The following MAGI1 variants were observed in gnomAD, a reference collection of about 807,000 sequenced individuals.
MAGI1 encodes membrane-associated guanylate kinase, WW and PDZ domain-containing protein 1.
Under a neutral mutation model 139.9 loss-of-function variants are expected in MAGI1, and 58 were observed. The ratio of observed to expected loss-of-function variants is 0.41; its 90% confidence interval spans 0.34 to 0.52. The LOEUF (loss-of-function observed/expected upper bound fraction) is 0.52, where lower values mean the gene tolerates loss of function less well. MAGI1 is among the 20% of genes least tolerant of loss of function. MAGI1 has a pLI of 0.12. For synonymous variants in MAGI1, 812 were observed against 737.9 expected, an observed-to-expected ratio of 1.10 and a Z score of -1.63; for missense variants, 1,874 against 1,901.6, an observed-to-expected ratio of 0.99 and a Z score of 0.27.
intron 1 of MAGI1, among the ~76,000 whole-genome samples, chr3:65,845,578 C>A (rs1416759711): frequency 6.6e-6 from 1 of 152,166 alleles, no homozygotes; most frequent in Non-Finnish European, 1.5e-5. Flanking sequence ...CTTAAATTAA[C>A]CAATTTTAGT....
intron 1 of MAGI1, among the ~76,000 whole-genome samples, chr3:65,626,801 C>T (rs117056371): frequency 1.3e-5 from 2 of 152,212 alleles, no homozygotes; most frequent in East Asian, 3.9e-4. Flanking sequence ...GACATTTGGA[C>T]ATGAAAAGTC....
At chr3:65,592,967 G>A (rs2106760252) in intron 2 of MAGI1, among the ~76,000 whole-genome samples, 1 of 152,114 alleles carries the variant, frequency 6.6e-6, no homozygotes, top group South Asian at 2.1e-4. Context: ...TTTGTTGATG[G>A]GGCTATGATT....
intron 1 of MAGI1, among the ~76,000 whole-genome samples, chr3:66,027,565 A>G (rs376089256): frequency 6.6e-6 from 1 of 152,216 alleles, no homozygotes. Context: ...CAGTCAGGGA[A>G]CCAGGAGAAC....
intron 1 of MAGI1, among the ~76,000 whole-genome samples, chr3:65,867,690 C>T (rs2108471182): frequency 6.6e-6 from 1 of 152,094 alleles, no homozygotes; most frequent in East Asian, 1.9e-4. Context: ...AAGTGCAAGG[C>T]TGCAGTGAGC....
At chr3:65,657,132 G>A (rs530315686) in intron 1 of MAGI1, among the ~76,000 whole-genome samples, 98 of 152,014 alleles carry the variant, frequency 6.4e-4, no homozygotes, top group Admixed American at 1.6e-3. Context: ...TGGAATCCAC[G>A]CAACATCCCT....
rs9863699 is a variant in MAGI1 at position 65,360,811 on chromosome 3, A to G, written c.3634+388T>C. On this transcript the variant is annotated intron_variant, in intron 22 of 22. Transcript: ENST00000402939. Reference sequence around the variant, plus strand: ...AAAAGGAAAAAATAATTGTGCCTCAACATATCACTCAGGAAACCTGCTTTC... The same window carrying G: ...AAAAGGAAAAAATAATTGTGCCTCAGCATATCACTCAGGAAACCTGCTTTC... 4,566 of 1,057,080 alleles carry G rather than the reference A, an allele frequency of 4.3e-3. 37 individuals are homozygous for G. Among genetic ancestry groups the G allele is most frequent in the East Asian group, 0.034 (476 of 13,806 alleles). The allele number at this position is 1,057,080 out of a possible 1,614,324, so 65.5% of individuals were successfully genotyped here. A position where few individuals can be genotyped will look rare whatever the true frequency, so the allele number is the denominator to read the frequency against.
chr3:65,612,374 T>C (rs2083169474), intron 2 of MAGI1, among the ~76,000 whole-genome samples: 1 of 152,112 alleles, frequency 6.6e-6, no homozygotes, highest in African/African-American at 2.4e-5. Flanking sequence ...ATAATATATT[T>C]GTAACCATTT....
chr3:65,855,630 G>GGGGAGAGGGGA (rs2059352715), intron 1 of MAGI1, among the ~76,000 whole-genome samples: 1 of 115,692 alleles, frequency 8.6e-6, no homozygotes, highest in Non-Finnish European at 1.8e-5. Flanking sequence ...AGAGAGGGGA[G>GGGGAGAGGGGA]GGGAAGGGAG....
At chr3:65,364,767 C>A in intron 19 of MAGI1, 42 bp from the exon 20 acceptor site, 1 of 1,608,486 alleles carries the variant, frequency 6.2e-7, no homozygotes, top group Non-Finnish European at 8.5e-7. Context: ...AACCCATTAG[C>A]AAACTGAGAA....
chr3:65,878,319 C>T (rs1421662272), intron 1 of MAGI1, among the ~76,000 whole-genome samples: 4 of 152,090 alleles, frequency 2.6e-5, no homozygotes, highest in African/African-American at 4.8e-5. Flanking sequence ...GTGTTCAAGA[C>T]CAGCCTGGCC....
At chr3:65,505,562 T>G (rs1420660326) in intron 2 of MAGI1, among the ~76,000 whole-genome samples, 1 of 151,440 alleles carries the variant, frequency 6.6e-6, no homozygotes, top group Non-Finnish European at 1.5e-5. Context: ...GGAGGACCAC[T>G]TAAGACCAGC....
intron 1 of MAGI1, among the ~76,000 whole-genome samples, chr3:65,884,278 T>C (rs2060446887): frequency 6.6e-6 from 1 of 152,238 alleles, no homozygotes; most frequent in Admixed American, 6.5e-5. Context: ...CTAGTGACAC[T>C]GTGCATATAG....
chr3:65,954,689 A>G (rs1187181317), intron 1 of MAGI1: 5 of 152,146 alleles, frequency 3.3e-5, no homozygotes, highest in African/African-American at 1.2e-4. Flanking sequence ...ACAGCCTCGC[A>G]CTCCAATCTC....
At chr3:65,578,302 T>C (rs1304383858) in intron 2 of MAGI1, among the ~76,000 whole-genome samples, 1 of 152,128 alleles carries the variant, frequency 6.6e-6, no homozygotes, top group Non-Finnish European at 1.5e-5. Context: ...TTTCTGGACA[T>C]ACTGTATTTG....
chr3:65,878,387 G>A (rs1388122374), intron 1 of MAGI1, among the ~76,000 whole-genome samples: 2 of 152,028 alleles, frequency 1.3e-5, no homozygotes, highest in Non-Finnish European at 2.9e-5. Context: ...ATGGTGGTGG[G>A]TGCCTGTAAT....
chr3:65,760,840 G>C (rs1031830880), intron 1 of MAGI1, among the ~76,000 whole-genome samples: 2 of 152,166 alleles, frequency 1.3e-5, no homozygotes, highest in African/African-American at 4.8e-5. Flanking sequence ...AATCTCAACA[G>C]ATGAGACCCA....
At chr3:65,894,971 C>T (rs558516911) in intron 1 of MAGI1, among the ~76,000 whole-genome samples, 188 of 152,354 alleles carry the variant, frequency 1.2e-3, no homozygotes, top group African/African-American at 4.3e-3. Flanking sequence ...AAATAACACA[C>T]ACCCATCACT....
intron 3 of MAGI1, among the ~76,000 whole-genome samples, chr3:65,479,098 A>G (rs1951080994): frequency 1.3e-5 from 2 of 152,194 alleles, no homozygotes; most frequent in African/African-American, 2.4e-5. Context: ...TTGAATATCA[A>G]TTGGTCATCT....
At chr3:65,944,000 T>A (rs1054899925) in intron 1 of MAGI1, among the ~76,000 whole-genome samples, 7 of 152,216 alleles carry the variant, frequency 4.6e-5, no homozygotes, top group African/African-American at 1.7e-4. Context: ...AATTTTCATA[T>A]TTCTCAAATG....
Sources: gnomAD v4.1 joint callset for allele counts (sites outside exome capture counted in the v4.1 genomes callset) on GRCh38, gnomAD v4.1.1 for gene constraint, MANE v1.5 for transcripts, NCBI Gene and HGNC (gene_info 2026-07-23, HGNC 2026-07-21) for gene names.